The following SGCZ variants were observed in gnomAD, a reference collection of about 807,000 sequenced individuals.
The protein encoded by SGCZ is sarcoglycan zeta, also known as zeta-sarcoglycan.
A neutral mutation model predicts 41.3 loss-of-function variants in SGCZ; 40 were observed. That is an observed-to-expected ratio of 0.97 (90% CI 0.75 to 1.26). The LOEUF (loss-of-function observed/expected upper bound fraction) is 1.26, where lower values mean the gene tolerates loss of function less well. SGCZ is among the 50% of genes most tolerant of loss of function. The pLI is 0.00. For missense variants in SGCZ, 552 were observed against 369.8 expected (o/e 1.49, Z -4.04); for synonymous variants, 206 against 137.5 (o/e 1.50, Z -3.49).
rs375372235 is a variant in SGCZ at position 14,523,292 on chromosome 8, T to C, written c.234+31440A>G. Among the ~76,000 whole-genome samples the C allele has an allele frequency of 2.2e-4, 34 of 152,150 alleles. No individual in the cohort carries two copies. The East Asian group carries it at 6.4e-3, about 29-fold the overall frequency. ...TACTCTTGATATTTTCATTTCCCTT[T>C]TATTATTTTATTTCTACTTAGAGAA... On this transcript the variant is annotated intron_variant, in intron 2 of 7. Coordinates refer to ENST00000382080, the MANE Select transcript of SGCZ (RefSeq NM_139167.4).
chr8:14,850,052 C>G (rs1464518700), intron 1 of SGCZ, among the ~76,000 whole-genome samples: 1 of 152,080 alleles, frequency 6.6e-6, no homozygotes, highest in African/African-American at 2.4e-5. Flanking sequence ...CCCATTCGCT[C>G]TCTTCTATAT....
At chr8:14,449,839 G>C (rs1264974986) in intron 2 of SGCZ, among the ~76,000 whole-genome samples, 1 of 152,144 alleles carries the variant, frequency 6.6e-6, no homozygotes, top group African/African-American at 2.4e-5. Flanking sequence ...TCCAAGAACT[G>C]CAACTGAGAT....
At chr8:14,198,894 G>T (rs10095377) in intron 4 of SGCZ, among the ~76,000 whole-genome samples, 1 of 152,206 alleles carries the variant, frequency 6.6e-6, no homozygotes, top group Non-Finnish European at 1.5e-5. Context: ...ATTTCCTATG[G>T]CTGTCTTTAC....
chr8:14,688,034 A>T (rs1808674217), intron 1 of SGCZ, among the ~76,000 whole-genome samples: 1 of 151,788 alleles, frequency 6.6e-6, no homozygotes, highest in Admixed American at 6.6e-5. Context: ...CCACTTTTTG[A>T]TGGGGTTGTT....
chr8:14,566,975 A>G (rs1167931038), intron 1 of SGCZ, among the ~76,000 whole-genome samples: 11 of 152,200 alleles, frequency 7.2e-5, no homozygotes, highest in Non-Finnish European at 1.5e-5. Context: ...TGAAGGGCTT[A>G]GCACCCGGGC....
At position 14,827,472 on chromosome 8, in the gene SGCZ, T is replaced by C. The variant is rs560290913; in HGVS notation, c.40-272546A>G. 2.6e-5 allele frequency among the ~76,000 whole-genome samples: 4 copies of C among 152,186 alleles called. No individual in the cohort carries two copies. The East Asian group carries it at 7.8e-4, about 30-fold the overall frequency. ...GGCTGTTCTCAAACTCCTGACTTCA[T>C]ATGATGCACCCGCCTTGGCCTCCCA... On this transcript the variant is annotated intron_variant, in intron 1 of 7. Coordinates refer to ENST00000382080, the MANE Select transcript of SGCZ (RefSeq NM_139167.4).
intron 1 of SGCZ, among the ~76,000 whole-genome samples, chr8:15,141,906 AAAAC>A (rs756696414): frequency 6.7e-6 from 1 of 148,626 alleles, no homozygotes; most frequent in African/African-American, 2.5e-5. Context: ...AAAAAAAAAA[AAAAC>A]AAAAAAAATG....
chr8:14,235,449 C>T (rs1184200999), intron 4 of SGCZ, among the ~76,000 whole-genome samples: 1 of 152,094 alleles, frequency 6.6e-6, no homozygotes, highest in Non-Finnish European at 1.5e-5. Context: ...TTTCTTTCTC[C>T]GTCCTCCTCT....
At chr8:14,688,718 C>G (rs577132969) in intron 1 of SGCZ, among the ~76,000 whole-genome samples, 2 of 152,086 alleles carry the variant, frequency 1.3e-5, no homozygotes, top group East Asian at 1.9e-4. Context: ...GTAGTTTTTT[C>G]CAATTGTGTG....
chr8:14,756,169 T>G (rs1028403745), intron 1 of SGCZ, among the ~76,000 whole-genome samples: 1 of 149,678 alleles, frequency 6.7e-6, no homozygotes, highest in African/African-American at 2.5e-5. Context: ...ATTAGGAATA[T>G]TTTCAGTAGA....
chr8:15,029,273 C>T (rs1254740313), intron 1 of SGCZ, among the ~76,000 whole-genome samples: 1 of 152,082 alleles, frequency 6.6e-6, no homozygotes, highest in Middle Eastern at 3.4e-3. Flanking sequence ...GTTGAAAGCA[C>T]TTAGAATTAG....
At chr8:14,854,035 ATATATATATATATATATATATCCTTTTG>A (rs1422725296) in intron 1 of SGCZ, among the ~76,000 whole-genome samples, 2 of 142,134 alleles carry the variant, frequency 1.4e-5, no homozygotes, top group African/African-American at 5.0e-5. Context: ...ATATATATAT[ATATATATATATATATATATATCCTTTTG>A]TATATATATT....
chr8:15,078,201 C>A (rs1222956433), intron 1 of SGCZ, among the ~76,000 whole-genome samples: 3 of 137,214 alleles, frequency 2.2e-5, no homozygotes, highest in African/African-American at 8.5e-5. Flanking sequence ...CCCTCCTCAC[C>A]TTTCAATGTG....
chr8:14,727,753 C>A (rs1810105396), intron 1 of SGCZ, among the ~76,000 whole-genome samples: 1 of 152,058 alleles, frequency 6.6e-6, no homozygotes, highest in Non-Finnish European at 1.5e-5. Flanking sequence ...ACCTCGTGAT[C>A]CACCCGCCTC....
chr8:14,108,195 C>T lies in SGCZ; in HGVS notation c.588G>A (p.Pro196=), dbSNP rs775208052. The T allele has an allele frequency of 2.0e-5, 33 of 1,613,906 alleles. No homozygotes were observed. Among genetic ancestry groups the T allele is most frequent in the Middle Eastern group, 3.3e-4 (2 of 6,084 alleles). The part of the protein sequence containing the change: ...GAVFGHSVET[P]HIRAEPSQDL... ...CTTGGGATGGCTCTGCTCTGATGTGCGGCGTCTCCACAGAGTGCCCAAATA... is the reference window on the plus strand; with the variant it reads ...CTTGGGATGGCTCTGCTCTGATGTGTGGCGTCTCCACAGAGTGCCCAAATA... Residue 196 remains proline (P), a synonymous_variant, in exon 6 of 8, where the codon CCG becomes CCA. Coordinates refer to ENST00000382080, the MANE Select transcript of SGCZ (RefSeq NM_139167.4).
intron 1 of SGCZ, among the ~76,000 whole-genome samples, chr8:15,042,372 T>TA (rs1249171756): frequency 6.6e-6 from 1 of 152,168 alleles, no homozygotes; most frequent in Admixed American, 6.5e-5. Context: ...ACATTTCTGA[T>TA]AGAGTAAGTA....
intron 2 of SGCZ, among the ~76,000 whole-genome samples, chr8:14,332,974 G>T (rs897980765): frequency 1.1e-4 from 17 of 150,822 alleles, no homozygotes; most frequent in African/African-American, 3.6e-4. Context: ...ATACGAAATG[G>T]AGAACGGACC....
At chr8:14,471,127 A>G (rs1318130883) in intron 2 of SGCZ, among the ~76,000 whole-genome samples, 1 of 152,136 alleles carries the variant, frequency 6.6e-6, no homozygotes, top group African/African-American at 2.4e-5. Flanking sequence ...TAAAAACTCA[A>G]TGTTTTATAA....
At chr8:14,484,952 T>C (rs1801633584) in intron 2 of SGCZ, among the ~76,000 whole-genome samples, 1 of 152,186 alleles carries the variant, frequency 6.6e-6, no homozygotes, top group Admixed American at 6.5e-5. Flanking sequence ...ATAGCAACAG[T>C]TTGACATTGA....
Sources: gnomAD v4.1 joint callset for allele counts (sites outside exome capture counted in the v4.1 genomes callset) on GRCh38, gnomAD v4.1.1 for gene constraint, MANE v1.5 for transcripts, NCBI Gene and HGNC (gene_info 2026-07-23, HGNC 2026-07-21) for gene names.